GPR158: variants seen among roughly 807,000 people sequenced by gnomAD.
The protein encoded by GPR158 is metabotropic glycine receptor.
A neutral mutation model predicts 78.2 loss-of-function variants in GPR158; 30 were observed. That is an observed-to-expected ratio of 0.38 (90% CI 0.29 to 0.52). GPR158 has a LOEUF of 0.52. GPR158 is among the 20% of genes least tolerant of loss of function. The probability of loss-of-function intolerance (pLI) is 0.83; values close to 1 mark genes in which losing one functional copy is unlikely to be tolerated. For missense variants in GPR158, 1,463 were observed against 1,523.5 expected, an observed-to-expected ratio of 0.96 and a Z score of 0.66; for synonymous variants, 581 against 591.1, an observed-to-expected ratio of 0.98 and a Z score of 0.25.
At chr10:25,205,519 T>C (rs375446715) in intron 1 of GPR158, among the ~76,000 whole-genome samples, 1 of 152,112 alleles carries the variant, frequency 6.6e-6, no homozygotes, top group Non-Finnish European at 1.5e-5. Flanking sequence ...GATGTTCGGC[T>C]GTTAATTTGA....
intron 5 of GPR158, among the ~76,000 whole-genome samples, chr10:25,480,436 C>G (rs1835650914): frequency 6.6e-6 from 1 of 152,150 alleles, no homozygotes; most frequent in Admixed American, 6.5e-5. Flanking sequence ...TTATCGATTT[C>G]CAAAACTTTT....
chr10:25,362,328 G>A (rs1225423072), intron 2 of GPR158, among the ~76,000 whole-genome samples: 1 of 151,798 alleles, frequency 6.6e-6, no homozygotes, highest in Non-Finnish European at 1.5e-5. Context: ...CTGTCTTTAT[G>A]TCAGTACTAC....
chr10:25,467,848 C>G (rs1358395796), intron 5 of GPR158, among the ~76,000 whole-genome samples: 2 of 152,144 alleles, frequency 1.3e-5, no homozygotes, highest in African/African-American at 4.8e-5. Context: ...AAGTTCCTGT[C>G]TGTGTCTCAA....
At chr10:25,582,672 C>T (rs138845629) in intron 7 of GPR158, among the ~76,000 whole-genome samples, 15 of 152,246 alleles carry the variant, frequency 9.9e-5, no homozygotes, top group Non-Finnish European at 1.9e-4. Context: ...GTATTTCTGA[C>T]CCAAGCTTGA....
chr10:25,574,878 T>TTTTA (rs1837067339), intron 7 of GPR158, among the ~76,000 whole-genome samples: 2 of 151,824 alleles, frequency 1.3e-5, no homozygotes, highest in South Asian at 4.2e-4. Flanking sequence ...GAGTGAGACT[T>TTTTA]TGTCTCAAAG....
chr10:25,210,798 G>A (rs1337353337), intron 1 of GPR158, among the ~76,000 whole-genome samples: 10 of 152,054 alleles, frequency 6.6e-5, no homozygotes, highest in Non-Finnish European at 1.5e-4. Context: ...CATCCAATAT[G>A]TCATCTTTCA....
intron 2 of GPR158, among the ~76,000 whole-genome samples, chr10:25,378,096 G>A (rs1834106784): frequency 6.6e-6 from 1 of 152,006 alleles, no homozygotes. Flanking sequence ...GTGGTTCCTG[G>A]TTATTTTTTT....
rs1564383238 is a variant in GPR158 at position 25,176,627 on chromosome 10, C to T, written c.902+305C>T. 6.6e-6 allele frequency among the ~76,000 whole-genome samples: 1 copy of T among 152,364 alleles called. No homozygotes were observed. The highest frequency in any genetic ancestry group is 1.9e-4 in the East Asian group (1 of 5,178). ...GAGACACCCCCGCTGCTCTGTGCTTCCCTCCAATTGTCCGGAGAGCAGGGA... is the reference window on the plus strand; with the variant it reads ...GAGACACCCCCGCTGCTCTGTGCTTTCCTCCAATTGTCCGGAGAGCAGGGA... On this transcript the variant is annotated intron_variant, in intron 1 of 10. Coordinates refer to ENST00000376351, the MANE Select transcript of GPR158 (RefSeq NM_020752.3). The surrounding 1 kb of genome is among the most constrained non-coding windows in gnomAD (Gnocchi z 6.3).
intron 2 of GPR158, among the ~76,000 whole-genome samples, chr10:25,333,702 G>A (rs775701182): frequency 6.6e-6 from 1 of 152,066 alleles, no homozygotes; most frequent in Non-Finnish European, 1.5e-5. Context: ...AATGAGAAGA[G>A]GCTAAAGACA....
chr10:25,509,862 T>C (rs1588892322), intron 5 of GPR158, among the ~76,000 whole-genome samples: 1 of 152,260 alleles, frequency 6.6e-6, no homozygotes, highest in African/African-American at 2.4e-5. Flanking sequence ...TATAAGTGTG[T>C]GCCACTGCAC....
intron 2 of GPR158, among the ~76,000 whole-genome samples, chr10:25,337,842 A>G (rs892232508): frequency 6.6e-6 from 1 of 152,068 alleles, no homozygotes; most frequent in African/African-American, 2.4e-5. Flanking sequence ...GTGCAGCACT[A>G]TCTCATTTTA....
At position 25,430,240 on chromosome 10, in the gene GPR158, A is replaced by T. The variant is rs1228183443; in HGVS notation, c.1335+17767A>T. ...TAACAGACAAACAGAGAGCCAAATC[A>T]TGAGTGAACTCCCATTCACAATTGC... On this transcript the variant is annotated intron_variant, in intron 4 of 10. Coordinates refer to ENST00000376351, the MANE Select transcript of GPR158 (RefSeq NM_020752.3). Among the ~76,000 whole-genome samples the T allele has an allele frequency of 2.0e-5, 3 of 152,096 alleles. No individual in the cohort carries two copies. The East Asian group carries it at 5.8e-4, about 29-fold the overall frequency.
chr10:25,543,396 C>T (rs568495791), intron 5 of GPR158, among the ~76,000 whole-genome samples: 1 of 152,310 alleles, frequency 6.6e-6, no homozygotes, highest in East Asian at 1.9e-4. Context: ...GCTGGGATTA[C>T]AGGCGTGAGC....
rs1837506942 is a variant in GPR158, at chr10:25,602,036, T to G, written c.*2762T>G. 1 of 152,610 alleles carries G rather than the reference T, an allele frequency of 6.6e-6. No individual in the cohort carries two copies. Among genetic ancestry groups the G allele is most frequent in the African/African-American group, 2.4e-5 (1 of 41,458 alleles). The allele number at this position is 152,610 out of a possible 1,614,324, so 9.5% of individuals were successfully genotyped here. A position where few individuals can be genotyped will look rare whatever the true frequency, so the allele number is the denominator to read the frequency against. ...GACTGAAAAAACACTGCCTTTTGAC[T>G]TCTAGCATTTAGCAACCGAGAGTCG... On this transcript the variant is annotated 3_prime_UTR_variant, in exon 11 of 11. Transcript: ENST00000376351.
At chr10:25,183,224 C>T (rs11014436) in intron 1 of GPR158, among the ~76,000 whole-genome samples, 16,186 of 152,088 alleles carry the variant, frequency 0.11, 2,573 homozygotes, top group African/African-American at 0.35. Flanking sequence ...AGATGACTGT[C>T]CCATGAAATA....
At chr10:25,444,504 CAT>C (rs1398443575) in intron 4 of GPR158, among the ~76,000 whole-genome samples, 2 of 147,926 alleles carry the variant, frequency 1.4e-5, no homozygotes, top group African/African-American at 5.0e-5. Context: ...AATGTGGGCG[CAT>C]GTATGCGTGT....
intron 5 of GPR158, among the ~76,000 whole-genome samples, chr10:25,474,339 A>C (rs950040660): frequency 3.3e-5 from 5 of 152,074 alleles, no homozygotes; most frequent in African/African-American, 1.2e-4. Context: ...TGGCTATAGG[A>C]AACTAAGATA....
chr10:25,340,239 T>C (rs1319268085), intron 2 of GPR158, among the ~76,000 whole-genome samples: 1 of 152,116 alleles, frequency 6.6e-6, no homozygotes, highest in Non-Finnish European at 1.5e-5. Context: ...GTTTGTTTGT[T>C]TTATTTTATA....
At chr10:25,257,160 A>C (rs1197100078) in intron 2 of GPR158, among the ~76,000 whole-genome samples, 1 of 152,234 alleles carries the variant, frequency 6.6e-6, no homozygotes, top group Admixed American at 6.5e-5. Context: ...GAAAGGGAGA[A>C]GATGGAAGCA....
Sources: allele counts gnomAD v4.1 joint callset (sites outside exome capture counted in the v4.1 genomes callset), GRCh38; gene constraint gnomAD v4.1.1; non-coding constraint Gnocchi (gnomAD v3.1); transcripts MANE v1.5; gene names NCBI Gene and HGNC (gene_info 2026-07-23, HGNC 2026-07-21).